Variants in TMEM255B observed in about 807,000 individuals in gnomAD.
The protein encoded by TMEM255B is family with sequence similarity 70, member B.
TMEM255B carries 35 observed loss-of-function variants against 34.5 expected under a neutral mutation model. The observed-to-expected ratio is 1.01, with a 90% CI of 0.77 to 1.34. The LOEUF (loss-of-function observed/expected upper bound fraction) is 1.34, where lower values mean the gene tolerates loss of function less well. TMEM255B is among the 40% of genes most tolerant of loss of function. TMEM255B has a pLI of 0.00. For missense variants in TMEM255B, 432 were observed against 433.2 expected (o/e 1.00, Z 0.02); for synonymous variants, 206 against 201.2 (o/e 1.02, Z -0.20).
At position 113,769,055 on chromosome 13, in the gene TMEM255B, C is replaced by T. The variant is rs749294926; in HGVS notation, c.190-43C>T. On this transcript the variant is annotated intron_variant, in intron 2 of 8. Transcript: ENST00000375353. This position sits in a 1 kb window ranked among gnomAD's most constrained non-coding sequence, Gnocchi z 4.2. The stretch of plus-strand genomic sequence containing the variant: ...TAAATGTCAGTGTTAAGCTTCTAGG[C>T]ACGTTAATGAGTGTTTCTCTCTCGT... 1 of 1,604,398 alleles carries T rather than the reference C, an allele frequency of 6.2e-7. No individual in the cohort carries two copies. Among genetic ancestry groups the T allele is most frequent in the Non-Finnish European group, 8.5e-7 (1 of 1,171,170 alleles).
At chr13:113,765,881 A>T (rs938279375) in intron 1 of TMEM255B, among the ~76,000 whole-genome samples, 1 of 152,242 alleles carries the variant, frequency 6.6e-6, no homozygotes, top group Non-Finnish European at 1.5e-5. Flanking sequence ...TGTGACAGTT[A>T]GAATTAGGTT....
chr13:113,814,864 G>A lies in TMEM255B; in HGVS notation c.*2961G>A, dbSNP rs1478551137. 6.8e-6 allele frequency: 1 copy of A among 147,610 alleles called. No homozygotes were observed. Among genetic ancestry groups the A allele is most frequent in the Non-Finnish European group, 1.5e-5 (1 of 66,876 alleles). The allele number at this position is 147,610 out of a possible 1,614,324, so 9.1% of individuals were successfully genotyped here. On this transcript the variant is annotated 3_prime_UTR_variant, in exon 9 of 9. Transcript: ENST00000375353. ...GGTGGAGGGGATGGTGGGGCAGGGG[G>A]TGCTGGGGGGTTTGGGGGTGCTGTG...
At chr13:113,809,042 G>T (rs1454384594) in intron 8 of TMEM255B, among the ~76,000 whole-genome samples, 2 of 143,012 alleles carry the variant, frequency 1.4e-5, no homozygotes, top group African/African-American at 5.2e-5. Flanking sequence ...GGTTTTTGGG[G>T]GGAGGTTATG....
intron 1 of TMEM255B, chr13:113,761,270 C>A (rs2050304289): frequency 1.0e-6 from 1 of 985,358 alleles, no homozygotes; most frequent in African/African-American, 1.7e-5. Context: ...TGACATTCCC[C>A]TTCCTGGCTC....
At chr13:113,801,318 G>A (rs1209135718) in intron 6 of TMEM255B, among the ~76,000 whole-genome samples, 1 of 152,190 alleles carries the variant, frequency 6.6e-6, no homozygotes, top group African/African-American at 2.4e-5. Context: ...ACAGGGGCCC[G>A]TGACCCCGAC....
At chr13:113,783,195 T>C (rs1481216620) in intron 3 of TMEM255B, among the ~76,000 whole-genome samples, 1 of 152,206 alleles carries the variant, frequency 6.6e-6, no homozygotes, top group East Asian at 1.9e-4. Context: ...TTCCTGGGGC[T>C]CTTATGTAAT....
rs768232255 is a variant in TMEM255B at position 113,795,136 on chromosome 13, CT to C, written c.253-10del. 56 of 1,613,466 alleles carry C rather than the reference CT, an allele frequency of 3.5e-5. No homozygotes were observed. Among genetic ancestry groups the C allele is most frequent in the Non-Finnish European group, 4.5e-5 (53 of 1,179,826 alleles). On this transcript the variant is annotated splice_polypyrimidine_tract_variant and intron_variant, in intron 3 of 8. Coordinates refer to ENST00000375353, the MANE Select transcript of TMEM255B (RefSeq NM_182614.4). The stretch of plus-strand genomic sequence containing the variant: ...TAAAAGCTGGGCACCCACACCTCTC[CT>C]TCTGTTGCAGCTGGTGGCAGCGATC...
At position 113,811,936 on chromosome 13, in the gene TMEM255B, T is replaced by C. The variant is rs766380063; in HGVS notation, c.*33T>C. 1.9e-4 allele frequency: 258 copies of C among 1,329,766 alleles called. No individual in the cohort carries two copies. The highest frequency in any genetic ancestry group is 2.3e-4 in the Non-Finnish European group (231 of 1,017,086). 82.4% of individuals were successfully genotyped at this position (1,329,766 alleles called of 1,614,324 possible). On this transcript the variant is annotated 3_prime_UTR_variant, in exon 9 of 9. Coordinates refer to ENST00000375353, the MANE Select transcript of TMEM255B (RefSeq NM_182614.4). ...GTGGAGTAAAAGATAACTTGTTTGT[T>C]TTTTTTTTTAAAAAAAAGGCAGCCT...
chr13:113,792,869 A>G (rs186045938), intron 3 of TMEM255B, among the ~76,000 whole-genome samples: 1 of 152,368 alleles, frequency 6.6e-6, no homozygotes, highest in East Asian at 1.9e-4. Flanking sequence ...CGATGATAAA[A>G]TGCCAGAAAC....
chr13:113,783,302 G>C (rs148869405), intron 3 of TMEM255B, among the ~76,000 whole-genome samples: 8 of 152,296 alleles, frequency 5.3e-5, no homozygotes, highest in African/African-American at 1.9e-4. Context: ...TGAAGCCAGT[G>C]TCTCCCTGTT....
intron 3 of TMEM255B, among the ~76,000 whole-genome samples, chr13:113,774,583 CCA>C (rs1566724093): frequency 7.0e-6 from 1 of 143,200 alleles, no homozygotes; most frequent in African/African-American, 2.8e-5. Context: ...GACACACACA[CCA>C]CACAACACAC....
intron 3 of TMEM255B, among the ~76,000 whole-genome samples, chr13:113,786,452 AC>A (rs1169617240): frequency 6.6e-6 from 1 of 151,538 alleles, no homozygotes; most frequent in Non-Finnish European, 1.5e-5. Flanking sequence ...TGTTGTCATC[AC>A]CATCACCATC....
At chr13:113,767,141 T>C (rs928446432) in intron 2 of TMEM255B, among the ~76,000 whole-genome samples, 4 of 152,232 alleles carry the variant, frequency 2.6e-5, no homozygotes, top group Non-Finnish European at 5.9e-5. Flanking sequence ...TTGGTAATAA[T>C]ATTGATGACA....
chr13:113,802,202 G>C (rs2051078410), intron 7 of TMEM255B, among the ~76,000 whole-genome samples: 1 of 152,210 alleles, frequency 6.6e-6, no homozygotes, highest in African/African-American at 2.4e-5. Context: ...CCAGAGGCGA[G>C]ACCCATACAG....
rs1251219277 is a variant in TMEM255B, at chr13:113,800,845, G to C, written c.442G>C (p.Asp148His). The change falls in exon 6 of 9, where the codon GAC (aspartate) becomes CAC (histidine). Residue 148 changes from aspartate to histidine, a missense_variant. Asp to His is a moderately conservative substitution (Grantham distance 81). Transcript: ENST00000375353. ...YQTEVTCHSL[D>H]GKCQLKVRSN... ...GCCCCAGGTCACCTGTCACTCCCTGGACGGCAAGTGCCAGCTGAAGGTGAG... is the reference window on the plus strand; with the variant it reads ...GCCCCAGGTCACCTGTCACTCCCTGCACGGCAAGTGCCAGCTGAAGGTGAG... 1 of 1,609,018 alleles carries C rather than the reference G, an allele frequency of 6.2e-7. No individual in the cohort carries two copies. The highest frequency in any genetic ancestry group is 1.1e-5 in the South Asian group (1 of 89,914).
chr13:113,775,822 C>T (rs2138534878), intron 3 of TMEM255B, among the ~76,000 whole-genome samples: 2 of 152,362 alleles, frequency 1.3e-5, no homozygotes, highest in South Asian at 4.1e-4. Flanking sequence ...GGCCCCAGCT[C>T]TCCGTGCCTG....
chr13:113,816,647 A>C lies in TMEM255B; in HGVS notation c.*4744A>C, dbSNP rs978790688. On this transcript the variant is annotated 3_prime_UTR_variant, in exon 9 of 9. Coordinates refer to ENST00000375353, the MANE Select transcript of TMEM255B (RefSeq NM_182614.4). The stretch of plus-strand genomic sequence containing the variant: ...CCACCAGACCCCGCGGTGGGAGCAG[A>C]GATGCCTCCGAAACTCTGGAGACCC... The C allele has an allele frequency of 6.6e-6, 1 of 152,188 alleles. No homozygotes were observed. Among genetic ancestry groups the C allele is most frequent in the Non-Finnish European group, 1.5e-5 (1 of 68,054 alleles). 9.4% of individuals were successfully genotyped at this position (152,188 alleles called of 1,614,324 possible). A position where few individuals can be genotyped will look rare whatever the true frequency, so the allele number is the denominator to read the frequency against.
chr13:113,766,320 G>T (rs761961917), intron 2 of TMEM255B, 63 bp downstream of exon 2: 9 of 1,607,930 alleles, frequency 5.6e-6, no homozygotes, highest in African/African-American at 2.7e-5. Flanking sequence ...CTCTCTCAGG[G>T]TGGAGTCCAC....
intron 3 of TMEM255B, among the ~76,000 whole-genome samples, chr13:113,782,348 T>C (rs1393173994): frequency 6.6e-6 from 1 of 152,182 alleles, no homozygotes; most frequent in African/African-American, 2.4e-5. Flanking sequence ...TGTAGTTTAA[T>C]TTAATATAAC....
Sources: allele counts gnomAD v4.1 joint callset (sites outside exome capture counted in the v4.1 genomes callset), GRCh38; gene constraint gnomAD v4.1.1; non-coding constraint Gnocchi (gnomAD v3.1); transcripts MANE v1.5; gene names NCBI Gene and HGNC (gene_info 2026-07-23, HGNC 2026-07-21).